The following NOL4 variants were observed in gnomAD, a reference collection of about 807,000 sequenced individuals.
NOL4 encodes nucleolar protein 4.
A neutral mutation model predicts 75.9 loss-of-function variants in NOL4; 17 were observed. The ratio of observed to expected loss-of-function variants is 0.22; its 90% CI spans 0.15 to 0.34. NOL4 has a LOEUF of 0.34. Among genes scored for constraint, NOL4 ranks in the 10% least tolerant of loss-of-function variants. The pLI is 1.00. For missense variants in NOL4, 614 were observed against 793.5 expected, an observed-to-expected ratio of 0.77 and a Z score of 2.72; for synonymous variants, 292 against 289.9, an observed-to-expected ratio of 1.01 and a Z score of -0.07.
chr18:34,187,569 A>G (rs1413931476), intron 1 of NOL4, among the ~76,000 whole-genome samples: 3 of 151,722 alleles, frequency 2.0e-5, no homozygotes, highest in South Asian at 2.1e-4. Flanking sequence ...TGTATTTTTT[A>G]GTAGAGACGG....
At chr18:34,130,098 C>A in intron 1 of NOL4, 78 bp from the exon 2 acceptor site, 1 of 1,329,556 alleles carries the variant, frequency 7.5e-7, no homozygotes, top group East Asian at 2.8e-5. Context: ...TTGTTTAAAA[C>A]AAAATGTTTT....
At chr18:34,205,894 G>T (rs1180996312) in intron 1 of NOL4, among the ~76,000 whole-genome samples, 1 of 152,038 alleles carries the variant, frequency 6.6e-6, no homozygotes, top group African/African-American at 2.4e-5. Flanking sequence ...CTTTCACTGA[G>T]TTCCATTTAT....
At chr18:34,045,981 C>A (rs1171861252) in intron 5 of NOL4, among the ~76,000 whole-genome samples, 1 of 152,074 alleles carries the variant, frequency 6.6e-6, no homozygotes, top group Non-Finnish European at 1.5e-5. Flanking sequence ...ATGTAACAGA[C>A]CATTATACCA....
At chr18:34,170,607 A>T (rs1168814500) in intron 1 of NOL4, among the ~76,000 whole-genome samples, 1 of 152,204 alleles carries the variant, frequency 6.6e-6, no homozygotes, top group Non-Finnish European at 1.5e-5. Flanking sequence ...TATGTTGTTA[A>T]AATTATTTTT....
At chr18:33,991,686 T>C (rs968995739) in intron 6 of NOL4, among the ~76,000 whole-genome samples, 4 of 152,014 alleles carry the variant, frequency 2.6e-5, no homozygotes, top group East Asian at 3.9e-4. Flanking sequence ...GCTAGCCACA[T>C]GTACCAATTT....
intron 5 of NOL4, among the ~76,000 whole-genome samples, chr18:34,070,093 G>A (rs1184054536): frequency 6.6e-6 from 1 of 152,200 alleles, no homozygotes; most frequent in South Asian, 2.1e-4. Context: ...GTGCATTGGC[G>A]CAATCCCGGC....
chr18:34,010,401 C>G (rs2074303385), intron 6 of NOL4, among the ~76,000 whole-genome samples: 1 of 151,800 alleles, frequency 6.6e-6, no homozygotes, highest in Non-Finnish European at 1.5e-5. Flanking sequence ...CATTAATCCA[C>G]TGATAGACAC....
In NOL4 at chr18:34,224,175, C is replaced by A. The variant is rs1406288432; in HGVS notation, c.-922G>T. On this transcript the variant is annotated 5_prime_UTR_variant, in exon 1 of 11. Coordinates refer to ENST00000261592, the MANE Select transcript of NOL4 (RefSeq NM_003787.5). ...GGCAGGCCGCTGGCGGCGGGTATCC[C>A]GAATAATGATGGGACCCCCAGACAG... The A allele has an allele frequency of 1.3e-5, 2 of 152,312 alleles. No individual in the cohort carries two copies. The highest frequency in any genetic ancestry group is 2.9e-5 in the Non-Finnish European group (2 of 68,134). 9.4% of individuals were successfully genotyped at this position (152,312 alleles called of 1,614,324 possible). A position where few individuals can be genotyped will look rare whatever the true frequency, so the allele number is the denominator to read the frequency against.
chr18:33,855,043 C>A (rs1392108914), intron 10 of NOL4, among the ~76,000 whole-genome samples: 2 of 151,928 alleles, frequency 1.3e-5, no homozygotes, highest in African/African-American at 4.8e-5. Flanking sequence ...TATTATTATT[C>A]TTTGTCTGAA....
intron 10 of NOL4, among the ~76,000 whole-genome samples, chr18:33,865,646 AG>A (rs965994822): frequency 6.6e-6 from 1 of 152,132 alleles, no homozygotes; most frequent in African/African-American, 2.4e-5. Flanking sequence ...CAAATATGAG[AG>A]GTAAGTATAA....
At chr18:34,222,287 G>A (rs747547436) in intron 1 of NOL4, 38 of 1,317,022 alleles carry the variant, frequency 2.9e-5, no homozygotes, top group Admixed American at 7.8e-5. Flanking sequence ...ATCTTTCTTT[G>A]TTGTTCATCT....
At chr18:33,965,096 G>T (rs563486195) in intron 6 of NOL4, among the ~76,000 whole-genome samples, 88 of 152,028 alleles carry the variant, frequency 5.8e-4, no homozygotes, top group Admixed American at 1.9e-3. Flanking sequence ...TTAACATTTG[G>T]TTAAGTAAAT....
intron 10 of NOL4, among the ~76,000 whole-genome samples, chr18:33,854,157 G>T (rs1051849470): frequency 2.0e-5 from 3 of 152,062 alleles, no homozygotes; most frequent in Admixed American, 6.6e-5. Flanking sequence ...TTCAGATAAT[G>T]GTATTCGTTT....
intron 6 of NOL4, among the ~76,000 whole-genome samples, chr18:33,992,642 T>C (rs1321127645): frequency 1.3e-5 from 2 of 152,010 alleles, no homozygotes; most frequent in Admixed American, 1.3e-4. Flanking sequence ...AAGAGGGCTA[T>C]CTACCCAGGA....
chr18:34,059,510 T>A (rs34541348), intron 5 of NOL4, among the ~76,000 whole-genome samples: 2 of 152,178 alleles, frequency 1.3e-5, no homozygotes, highest in Admixed American at 6.5e-5. Context: ...TGCACCCAGA[T>A]TGATAGATTA....
chr18:34,120,363 T>C (rs1031195473), intron 2 of NOL4, among the ~76,000 whole-genome samples: 1 of 152,156 alleles, frequency 6.6e-6, no homozygotes, highest in African/African-American at 2.4e-5. Context: ...ATCAAACTGA[T>C]CATTTCTATT....
intron 4 of NOL4, 95 bp downstream of exon 4, chr18:34,103,951 TG>T (rs1014223828): frequency 1.2e-6 from 1 of 803,752 alleles, no homozygotes; most frequent in African/African-American, 1.7e-5. Context: ...AATAAATTAC[TG>T]TCTTCAAAAT....
chr18:34,070,157 C>G (rs1044355139), intron 5 of NOL4, among the ~76,000 whole-genome samples: 2 of 152,182 alleles, frequency 1.3e-5, no homozygotes, highest in Non-Finnish European at 1.5e-5. Context: ...TCAGCCTCCC[C>G]AGTAGCTGGG....
At chr18:33,870,151 C>T (rs1272470675) in intron 10 of NOL4, among the ~76,000 whole-genome samples, 1 of 152,020 alleles carries the variant, frequency 6.6e-6, no homozygotes. Context: ...AAAGCATTAC[C>T]TCACCTAGTT....
Sources: gnomAD v4.1 joint callset for allele counts (sites outside exome capture counted in the v4.1 genomes callset) on GRCh38, gnomAD v4.1.1 for gene constraint, MANE v1.5 for transcripts, NCBI Gene and HGNC (gene_info 2026-07-23, HGNC 2026-07-21) for gene names.